The following WWOX variants were observed in gnomAD, a reference collection of about 807,000 sequenced individuals.
WWOX encodes WW domain containing oxidoreductase, also known as WW domain-containing oxidoreductase.
A neutral mutation model predicts 46.2 loss-of-function variants in WWOX; 69 were observed. The ratio of observed to expected loss-of-function variants is 1.49; its 90% CI spans 1.23 to 1.82. The LOEUF (loss-of-function observed/expected upper bound fraction) is 1.82. Ranked by LOEUF, WWOX falls within the 40% of genes most tolerant of loss-of-function variation. The pLI is 0.00. For missense variants in WWOX, 919 were observed against 542.6 expected (o/e 1.69, Z -6.89); for synonymous variants, 359 against 202.6 (o/e 1.77, Z -6.56).
intron 8 of WWOX, among the ~76,000 whole-genome samples, chr16:79,022,177 T>G (rs931697251): frequency 1.3e-5 from 2 of 152,004 alleles, no homozygotes; most frequent in African/African-American, 4.8e-5. Context: ...GAAGGAGGTA[T>G]AAAAGGTAGA....
At chr16:78,132,735 G>T (rs35327952) in intron 4 of WWOX, among the ~76,000 whole-genome samples, 2 of 152,090 alleles carry the variant, frequency 1.3e-5, no homozygotes, top group Admixed American at 6.5e-5. Context: ...CTTTGCTCCT[G>T]TTACGACTTA....
At chr16:78,155,228 AGGAGGAAGGGAG>A (rs1341503414) in intron 4 of WWOX, among the ~76,000 whole-genome samples, 6 of 151,384 alleles carry the variant, frequency 4.0e-5, no homozygotes, top group African/African-American at 1.5e-4. Flanking sequence ...AAAGGAGAGA[AGGAGGAAGGGAG>A]GGAGGAAGGA....
At chr16:79,073,811 G>A (rs2048597290) in intron 8 of WWOX, among the ~76,000 whole-genome samples, 1 of 152,168 alleles carries the variant, frequency 6.6e-6, no homozygotes, top group Non-Finnish European at 1.5e-5. Flanking sequence ...GAGCTTGAGA[G>A]TCAACCTTTA....
intron 8 of WWOX, among the ~76,000 whole-genome samples, chr16:79,209,331 G>C (rs2051633572): frequency 6.6e-6 from 1 of 152,218 alleles, no homozygotes; most frequent in African/African-American, 2.4e-5. Context: ...AGTAATGCAA[G>C]AGTGCAACGT....
At chr16:78,293,054 A>G (rs960090157) in intron 5 of WWOX, among the ~76,000 whole-genome samples, 2 of 152,150 alleles carry the variant, frequency 1.3e-5, no homozygotes, top group Middle Eastern at 3.2e-3. Context: ...CAACCACTTT[A>G]GCCTCCAAGG....
At chr16:78,644,388 TG>T (rs1171330596) in intron 8 of WWOX, among the ~76,000 whole-genome samples, 1 of 152,160 alleles carries the variant, frequency 6.6e-6, no homozygotes, top group African/African-American at 2.4e-5. Flanking sequence ...ATTTCTAGAA[TG>T]ACTTAGGAGA....
chr16:78,700,999 G>T (rs1382168799), intron 8 of WWOX, among the ~76,000 whole-genome samples: 2 of 152,126 alleles, frequency 1.3e-5, no homozygotes, highest in African/African-American at 4.8e-5. Context: ...CTGGAGCTAG[G>T]CTGCCTAGGT....
chr16:78,618,970 G>T (rs2046099672), intron 8 of WWOX, among the ~76,000 whole-genome samples: 1 of 149,494 alleles, frequency 6.7e-6, no homozygotes, highest in Admixed American at 6.7e-5. Flanking sequence ...TTAAGATACT[G>T]AAATTTCTGG....
At chr16:78,980,224 A>G (rs1158769413) in intron 8 of WWOX, among the ~76,000 whole-genome samples, 9 of 152,198 alleles carry the variant, frequency 5.9e-5, no homozygotes, top group Admixed American at 5.9e-4. Flanking sequence ...ATAAGCATCT[A>G]GTTTTTAAAT....
chr16:78,814,981 T>A (rs1460047801), intron 8 of WWOX, among the ~76,000 whole-genome samples: 4 of 152,164 alleles, frequency 2.6e-5, no homozygotes, highest in Non-Finnish European at 4.4e-5. Flanking sequence ...GCAATTTAAT[T>A]TTCAGGCTTG....
At chr16:78,430,039 G>T (rs185546186) in intron 7 of WWOX, among the ~76,000 whole-genome samples, 18 of 152,234 alleles carry the variant, frequency 1.2e-4, no homozygotes, top group Admixed American at 5.9e-4. Flanking sequence ...ACCCGAGACC[G>T]GGTAATTTAT....
Position 78,928,950 on chromosome 16 carries a change from C to G in WWOX, c.1057-282658C>G, listed in dbSNP as rs574247618. Among the ~76,000 whole-genome samples, 15 of 152,280 alleles carry G rather than the reference C, an allele frequency of 9.9e-5. No homozygotes were observed. In the South Asian group the frequency reaches 3.1e-3, roughly 32 times the overall value. On this transcript the variant is annotated intron_variant, in intron 8 of 8. Coordinates refer to ENST00000566780, the MANE Select transcript of WWOX (RefSeq NM_016373.4). ...AGAAGTGCCCCTTTAAGTTGAGATG[C>G]TTGTTAAACTTTACATGTATGCATG... is the stretch of plus-strand genomic sequence containing the variant.
chr16:78,754,890 C>G (rs2049597988), intron 8 of WWOX, among the ~76,000 whole-genome samples: 3 of 152,090 alleles, frequency 2.0e-5, no homozygotes. Context: ...GTGTCCTGCA[C>G]TGTCCATTAT....
chr16:78,904,244 T>C (rs2044902971), intron 8 of WWOX, among the ~76,000 whole-genome samples: 2 of 146,294 alleles, frequency 1.4e-5, no homozygotes, highest in East Asian at 3.9e-4. Context: ...CTTTTTTTTT[T>C]TTTTTTTTTT....
intron 8 of WWOX, among the ~76,000 whole-genome samples, chr16:79,093,617 G>T (rs1356773362): frequency 6.6e-6 from 1 of 152,246 alleles, no homozygotes; most frequent in East Asian, 1.9e-4. Context: ...GTGCAGGGTG[G>T]CCCATTGGCA....
chr16:78,585,507 C>T (rs775384190), intron 8 of WWOX, among the ~76,000 whole-genome samples: 1 of 152,156 alleles, frequency 6.6e-6, no homozygotes, highest in African/African-American at 2.4e-5. Flanking sequence ...GTTAATTTAG[C>T]AAACCCCAGG....
intron 8 of WWOX, among the ~76,000 whole-genome samples, chr16:78,865,461 T>G (rs920865917): frequency 6.6e-6 from 1 of 152,224 alleles, no homozygotes; most frequent in Non-Finnish European, 1.5e-5. Flanking sequence ...TTGCTGAGGC[T>G]TTTGACAATT....
At chr16:79,076,802 G>T (rs1285698357) in intron 8 of WWOX, among the ~76,000 whole-genome samples, 2 of 152,214 alleles carry the variant, frequency 1.3e-5, no homozygotes, top group African/African-American at 4.8e-5. Flanking sequence ...AGCACATAGG[G>T]TTATAATGAA....
intron 8 of WWOX, among the ~76,000 whole-genome samples, chr16:79,008,583 G>A (rs1263547341): frequency 6.6e-6 from 1 of 152,172 alleles, no homozygotes; most frequent in Non-Finnish European, 1.5e-5. Context: ...TTTCACAGAT[G>A]TTGAAACTGA....
Sources: gnomAD v4.1 joint callset for allele counts (sites outside exome capture counted in the v4.1 genomes callset) on GRCh38, gnomAD v4.1.1 for gene constraint, MANE v1.5 for transcripts, NCBI Gene and HGNC (gene_info 2026-07-23, HGNC 2026-07-21) for gene names.